Variants in AGAP1 observed in about 807,000 individuals in gnomAD.
AGAP1 encodes the protein arf-GAP with GTPase, ANK repeat and PH domain-containing protein 1.
A neutral mutation model predicts 105.3 loss-of-function variants in AGAP1; 29 were observed. The ratio of observed to expected loss-of-function variants is 0.28; its 90% CI spans 0.21 to 0.38. The LOEUF is 0.38. AGAP1 is among the 10% of genes least tolerant of loss of function. The pLI, the probability that AGAP1 is intolerant of heterozygous loss-of-function variation, is 1.00. For synonymous variants in AGAP1, 509 were observed against 485.9 expected (o/e 1.05, Z -0.63); for missense variants, 998 against 1,165.1 (o/e 0.86, Z 2.09).
At chr2:235,707,603 C>A (rs1027190009) in intron 1 of AGAP1, among the ~76,000 whole-genome samples, 1 of 146,120 alleles carries the variant, frequency 6.8e-6, no homozygotes, top group Non-Finnish European at 1.5e-5. Context: ...GGTTGTGCTC[C>A]CCCGGCGTGT....
chr2:235,852,763 C>A, intron 9 of AGAP1: 1 of 1,535,112 alleles, frequency 6.5e-7, no homozygotes, highest in Admixed American at 2.0e-5. Context: ...GTCAGTCCTC[C>A]CCCTGGCCAG....
intron 9 of AGAP1, among the ~76,000 whole-genome samples, chr2:235,880,221 C>A (rs2049942283): frequency 6.6e-6 from 1 of 151,854 alleles, no homozygotes; most frequent in Non-Finnish European, 1.5e-5. Flanking sequence ...GTAGCCTTCA[C>A]TGGGGGCAGG....
intron 9 of AGAP1, among the ~76,000 whole-genome samples, chr2:235,862,331 G>A (rs996987854): frequency 3.3e-5 from 5 of 152,306 alleles, no homozygotes; most frequent in South Asian, 4.1e-4. Context: ...CAGTGGTAGC[G>A]GTCCTTGTCA....
intron 13 of AGAP1, among the ~76,000 whole-genome samples, chr2:236,025,936 A>G: frequency 6.6e-6 from 1 of 151,908 alleles, no homozygotes; most frequent in African/African-American, 2.4e-5. Context: ...GGATGGATGG[A>G]TGGATGGATG....
chr2:235,656,117 A>G (rs1947763380), intron 1 of AGAP1, among the ~76,000 whole-genome samples: 1 of 152,216 alleles, frequency 6.6e-6, no homozygotes, highest in Non-Finnish European at 1.5e-5. Flanking sequence ...GATTGGCCTC[A>G]GGGGGCCGCT....
At chr2:235,743,927 T>G (rs1477387816) in intron 4 of AGAP1, among the ~76,000 whole-genome samples, 1 of 152,244 alleles carries the variant, frequency 6.6e-6, no homozygotes, top group Non-Finnish European at 1.5e-5. Context: ...GCTCCAGTTT[T>G]CCAAGATGGC....
Position 236,113,597 on chromosome 2 carries a change from C to T in AGAP1, c.2115-6595C>T, listed in dbSNP as rs561092103. On this transcript the variant is annotated intron_variant, in intron 16 of 17. Transcript: ENST00000304032. This position sits in a 1 kb window ranked among gnomAD's most constrained non-coding sequence, Gnocchi z 4.3. The stretch of plus-strand genomic sequence containing the variant: ...TGCAGTGGATTTGGCATGGCAGGCA[C>T]TAAGTATGCGGGTAGCAGGTGGGGA... 9.8e-5 allele frequency among the ~76,000 whole-genome samples: 15 copies of T among 152,304 alleles called. No individual in the cohort carries two copies. In the South Asian group the frequency reaches 2.9e-3, roughly 29 times the overall value.
chr2:236,070,502 T>C (rs2125793096), intron 16 of AGAP1, among the ~76,000 whole-genome samples: 1 of 152,342 alleles, frequency 6.6e-6, no homozygotes. Flanking sequence ...TAAATGTTCA[T>C]GGCAGCATCG....
In AGAP1 at chr2:235,601,260, CCT is replaced by C. The variant is rs2149235405; in HGVS notation, c.163+106416_163+106417del. The stretch of plus-strand genomic sequence containing the variant: ...TGCAGATAGTTCCTCCTTACTGTGT[CCT>C]CTCTGTGCTTGGGGGTGGGGAGAGA... On this transcript the variant is annotated intron_variant, in intron 1 of 17. Transcript: ENST00000304032. This position sits in a 1 kb window ranked among gnomAD's most constrained non-coding sequence, Gnocchi z 4.4. Among the ~76,000 whole-genome samples the C allele has an allele frequency of 6.6e-6, 1 of 152,286 alleles. No individual in the cohort carries two copies. The highest frequency in any genetic ancestry group is 2.4e-5 in the African/African-American group (1 of 41,564).
At chr2:235,584,970 C>A (rs1220694347) in intron 1 of AGAP1, among the ~76,000 whole-genome samples, 1 of 149,942 alleles carries the variant, frequency 6.7e-6, no homozygotes, top group African/African-American at 2.5e-5. Context: ...CGTCACCCCC[C>A]TACCCACTTA....
intron 9 of AGAP1, among the ~76,000 whole-genome samples, chr2:235,876,249 A>C (rs143346760): frequency 1.3e-5 from 2 of 152,324 alleles, no homozygotes; most frequent in African/African-American, 4.8e-5. Context: ...TATTTAAAAT[A>C]ATTTATTTTT....
At chr2:236,099,630 A>G (rs1205425370) in intron 16 of AGAP1, among the ~76,000 whole-genome samples, 2 of 152,106 alleles carry the variant, frequency 1.3e-5, no homozygotes, top group African/African-American at 4.8e-5. Flanking sequence ...ACCTCACTAT[A>G]TGGTTTTTTA....
Position 235,793,800 on chromosome 2 carries a change from T to A in AGAP1, c.674-3959T>A, listed in dbSNP as rs1180278885. On this transcript the variant is annotated intron_variant, in intron 6 of 17. Transcript: ENST00000304032. This position sits in a 1 kb window ranked among gnomAD's most constrained non-coding sequence, Gnocchi z 5.3. ...AGATGGAAGTAGAAATTGGGCATTATGTCAGGATTTAATGAAGTCTTGTTT... is the reference window on the plus strand; with the variant it reads ...AGATGGAAGTAGAAATTGGGCATTAAGTCAGGATTTAATGAAGTCTTGTTT... 6.6e-6 allele frequency among the ~76,000 whole-genome samples: 1 copy of A among 152,210 alleles called. No individual in the cohort carries two copies. Among genetic ancestry groups the A allele is most frequent in the African/African-American group, 2.4e-5 (1 of 41,454 alleles).
At chr2:236,048,954 T>C (rs1268404611) in intron 15 of AGAP1, 105 bp from the exon 16 acceptor site, 2 of 1,104,906 alleles carry the variant, frequency 1.8e-6, no homozygotes, top group Non-Finnish European at 2.7e-6. Flanking sequence ...GATGTGGTTC[T>C]GTCGTTGTGA....
chr2:235,895,809 C>G (rs1461273620), intron 10 of AGAP1, among the ~76,000 whole-genome samples: 2 of 151,724 alleles, frequency 1.3e-5, no homozygotes, highest in Non-Finnish European at 2.9e-5. Flanking sequence ...GACTAGAGTT[C>G]CTAAAACCTC....
In AGAP1 at chr2:235,930,056, T is replaced by G. The variant is rs1471975911; in HGVS notation, c.1325-709T>G. Among the ~76,000 whole-genome samples the G allele has an allele frequency of 6.6e-6, 1 of 152,252 alleles. No homozygotes were observed. Among genetic ancestry groups the G allele is most frequent in the African/African-American group, 2.4e-5 (1 of 41,456 alleles). On this transcript the variant is annotated intron_variant, in intron 11 of 17. Transcript: ENST00000304032. The surrounding 1 kb of genome is among the most constrained non-coding windows in gnomAD (Gnocchi z 7.9). ...AGAGAAAGGCACTTAATTATGTTTT[T>G]GAGTCTAAAATTGGTATGACCAGAT...
intron 1 of AGAP1, among the ~76,000 whole-genome samples, chr2:235,651,541 T>G (rs1947594725): frequency 6.6e-6 from 1 of 152,174 alleles, no homozygotes; most frequent in East Asian, 1.9e-4. Context: ...TGAAACGCTC[T>G]TATTGAACAA....
chr2:235,831,104 C>T (rs761429986), intron 9 of AGAP1, among the ~76,000 whole-genome samples: 17 of 151,302 alleles, frequency 1.1e-4, no homozygotes, highest in Non-Finnish European at 2.4e-4. Context: ...GCTGGCTGCT[C>T]TCTGCACTGA....
At chr2:236,017,543 G>C (rs1002644892) in intron 13 of AGAP1, among the ~76,000 whole-genome samples, 4 of 152,080 alleles carry the variant, frequency 2.6e-5, no homozygotes, top group Admixed American at 6.6e-5. Context: ...TTACTCAAAG[G>C]CACCCAAAAA....
Sources: gnomAD v4.1 joint callset for allele counts (sites outside exome capture counted in the v4.1 genomes callset) on GRCh38, gnomAD v4.1.1 for gene constraint, Gnocchi (gnomAD v3.1) non-coding constraint, MANE v1.5 for transcripts, NCBI Gene and HGNC (gene_info 2026-07-23, HGNC 2026-07-21) for gene names.